Variants in LARP4 observed in about 807,000 individuals in gnomAD.
LARP4 encodes the protein La ribonucleoprotein 4.
LARP4 carries 29 observed loss-of-function variants against 92.9 expected under a neutral mutation model. The observed-to-expected ratio is 0.31, with a 90% confidence interval of 0.23 to 0.43. The LOEUF (loss-of-function observed/expected upper bound fraction) is 0.43. Among genes scored for constraint, LARP4 ranks in the 20% least tolerant of loss-of-function variants. The pLI is 1.00. For synonymous variants in LARP4, 279 were observed against 284.1 expected, an observed-to-expected ratio of 0.98 and a Z score of 0.18; for missense variants, 732 against 860.0, an observed-to-expected ratio of 0.85 and a Z score of 1.86.
At chr12:50,472,900 A>C (rs1386365787) in intron 13 of LARP4, among the ~76,000 whole-genome samples, 1 of 151,164 alleles carries the variant, frequency 6.6e-6, no homozygotes, top group Admixed American at 6.6e-5. Context: ...GCTCACTGCA[A>C]CCTCCGCCTC....
chr12:50,427,874 A>G lies in LARP4; in HGVS notation c.131A>G (p.His44Arg), dbSNP rs1386979214. ...ACTCATGGAACTGAAAGCTCTTGGC[A>G]TGAAATAGCAGCTACATCAGGTGCT... Reference protein sequence around the residue: ...PVTHGTESSWHEIAATSGAHP... With the variant: ...PVTHGTESSWREIAATSGAHP... The change falls in exon 2 of 16, where the codon CAT becomes CGT. Residue 44 changes from histidine to arginine, a missense_variant. His to Arg is a conservative substitution (Grantham distance 29). This residue lies in a region of LARP4 where 236 missense variants were observed against 307.6 expected (regional missense o/e 0.77). Transcript: ENST00000398473. 2 of 1,600,824 alleles carry G rather than the reference A, an allele frequency of 1.2e-6. No individual in the cohort carries two copies. The highest frequency in any genetic ancestry group is 1.7e-6 in the Non-Finnish European group (2 of 1,171,092).
At chr12:50,472,525 CTT>C (rs879845900) in intron 13 of LARP4, among the ~76,000 whole-genome samples, 2 of 146,298 alleles carry the variant, frequency 1.4e-5, no homozygotes, top group Admixed American at 6.9e-5. Context: ...AGCCTACAAA[CTT>C]TTTTTTTTTT....
intron 1 of LARP4, among the ~76,000 whole-genome samples, chr12:50,422,781 A>ATATTATTAT (rs145036648): frequency 2.6e-4 from 36 of 138,600 alleles, no homozygotes; most frequent in South Asian, 6.9e-4. Context: ...TTGGGAAATT[A>ATATTATTAT]TATTATTATT....
At chr12:50,426,608 T>G (rs1461717135) in intron 1 of LARP4, among the ~76,000 whole-genome samples, 1 of 151,134 alleles carries the variant, frequency 6.6e-6, no homozygotes, top group African/African-American at 2.4e-5. Flanking sequence ...TCCTCACTAC[T>G]TCCACCATTT....
chr12:50,408,348 A>G (rs1945230905), intron 1 of LARP4, among the ~76,000 whole-genome samples: 2 of 151,464 alleles, frequency 1.3e-5, no homozygotes, highest in South Asian at 4.2e-4. Context: ...ACAAGCATGC[A>G]CCACCATGCT....
intron 10 of LARP4, among the ~76,000 whole-genome samples, chr12:50,459,842 A>T (rs1322643504): frequency 5.8e-5 from 8 of 137,030 alleles, no homozygotes; most frequent in Non-Finnish European, 1.0e-4. Context: ...AAAAAAAAAA[A>T]AAAAGGGTGT....
At position 50,449,856 on chromosome 12, in the gene LARP4, T is replaced by C. The variant is rs372372391; in HGVS notation, c.805-3604T>C. Among the ~76,000 whole-genome samples the C allele has an allele frequency of 6.6e-5, 10 of 152,154 alleles. No individual in the cohort carries two copies. The East Asian group carries it at 1.2e-3, about 18-fold the overall frequency. Reference sequence around the variant, plus strand: ...AATATTTAAACATATTTGGGGTGTTTACTGTTCGTGTTGATATTGGCCTCT... The same window carrying C: ...AATATTTAAACATATTTGGGGTGTTCACTGTTCGTGTTGATATTGGCCTCT... On this transcript the variant is annotated intron_variant, in intron 8 of 15. Coordinates refer to ENST00000398473, the MANE Select transcript of LARP4 (RefSeq NM_052879.5).
At position 50,441,775 on chromosome 12, in the gene LARP4, G is replaced by A. The variant is rs78454232; in HGVS notation, c.804+132G>A. 83 of 714,538 alleles carry A rather than the reference G, an allele frequency of 1.2e-4. 1 individual carries two copies. The highest frequency in any genetic ancestry group is 6.4e-4 in the South Asian group (34 of 53,518). The allele number at this position is 714,538 out of a possible 1,614,324, so 44.3% of individuals were successfully genotyped here. A position where few individuals can be genotyped will look rare whatever the true frequency, so the allele number is the denominator to read the frequency against. ...AAAAAGTTTCTGGCTTGGTCCAGGC[G>A]TGGTGGCTCACACCTGTGATCCCAG... is the stretch of plus-strand genomic sequence containing the variant. On this transcript the variant is annotated intron_variant, in intron 8 of 15. Transcript: ENST00000398473.
intron 1 of LARP4, among the ~76,000 whole-genome samples, chr12:50,401,794 A>G (rs1353350025): frequency 6.6e-6 from 1 of 152,174 alleles, no homozygotes; most frequent in African/African-American, 2.4e-5. Flanking sequence ...GAACAATGAG[A>G]CACTTTTATT....
chr12:50,401,379 T>G, intron 1 of LARP4: 1 of 256,968 alleles, frequency 3.9e-6, no homozygotes, highest in African/African-American at 2.2e-5. Context: ...GAGAGGGTAA[T>G]CAGGTGGGCG....
intron 6 of LARP4, among the ~76,000 whole-genome samples, chr12:50,439,514 T>C (rs1950899044): frequency 6.6e-6 from 1 of 152,048 alleles, no homozygotes; most frequent in African/African-American, 2.4e-5. Flanking sequence ...GCAGTCCTCC[T>C]ACCTCAGCCA....
intron 10 of LARP4, chr12:50,454,812 G>C (rs891975175): frequency 6.3e-6 from 1 of 158,730 alleles, no homozygotes; most frequent in Non-Finnish European, 1.4e-5. Flanking sequence ...ATGTTATTCA[G>C]GTTTTTAAAG....
At chr12:50,453,340 C>T (rs901802695) in intron 8 of LARP4, 120 bp from the exon 9 acceptor site, 2 of 554,504 alleles carry the variant, frequency 3.6e-6, no homozygotes, top group Non-Finnish European at 3.2e-6. Flanking sequence ...TTTTGCTCTA[C>T]TGATTCTACT....
intron 10 of LARP4, among the ~76,000 whole-genome samples, chr12:50,458,079 C>T (rs1001078537): frequency 3.3e-5 from 5 of 151,536 alleles, no homozygotes; most frequent in African/African-American, 1.2e-4. Flanking sequence ...ACTACAGGCG[C>T]ATACCACCAT....
chr12:50,462,874 G>T (rs1955629149), intron 12 of LARP4, among the ~76,000 whole-genome samples: 2 of 152,078 alleles, frequency 1.3e-5, no homozygotes, highest in Admixed American at 1.3e-4. Flanking sequence ...AAGATCTAAT[G>T]TATTCACATG....
chr12:50,471,729 C>G (rs1956956864), intron 13 of LARP4, among the ~76,000 whole-genome samples: 1 of 152,142 alleles, frequency 6.6e-6, no homozygotes, highest in Non-Finnish European at 1.5e-5. Flanking sequence ...TCTTGTTGGC[C>G]AGGCTGGTCT....
intron 13 of LARP4, among the ~76,000 whole-genome samples, chr12:50,469,601 C>CAAA (rs757844912): frequency 3.2e-4 from 21 of 65,494 alleles, no homozygotes; most frequent in South Asian, 6.0e-4. Context: ...GAGACTCTAT[C>CAAA]AAAAAAAAAA....
intron 10 of LARP4, among the ~76,000 whole-genome samples, chr12:50,457,314 C>G (rs1420277037): frequency 1.3e-5 from 2 of 149,526 alleles, no homozygotes; most frequent in Non-Finnish European, 3.0e-5. Context: ...TCAAGCGATA[C>G]TCCTGCCTTA....
intron 4 of LARP4, among the ~76,000 whole-genome samples, chr12:50,433,198 A>G: frequency 6.6e-6 from 1 of 151,682 alleles, no homozygotes; most frequent in East Asian, 1.9e-4. Flanking sequence ...GGAAGGAAAG[A>G]TCTTCTTTGG....
Sources: allele counts gnomAD v4.1 joint callset (sites outside exome capture counted in the v4.1 genomes callset), GRCh38; gene constraint gnomAD v4.1.1; regional missense constraint gnomAD v4.1.1; transcripts MANE v1.5; gene names NCBI Gene and HGNC (gene_info 2026-07-23, HGNC 2026-07-21).